The following ZBTB1 variants were observed in gnomAD, a reference collection of about 807,000 sequenced individuals.
ZBTB1 encodes zinc finger and BTB domain containing 1, also known as zinc finger and BTB domain-containing protein 1.
ZBTB1 carries 13 observed loss-of-function variants against 51.6 expected under a neutral mutation model. That is an observed-to-expected ratio of 0.25 (90% CI 0.16 to 0.40). The LOEUF (loss-of-function observed/expected upper bound fraction) is 0.40. Ranked by LOEUF, ZBTB1 falls within the 10% of genes least tolerant of loss-of-function variation. The pLI, the probability that ZBTB1 is intolerant of heterozygous loss-of-function variation, is 1.00. For missense variants in ZBTB1, 567 were observed against 856.5 expected (o/e 0.66, Z 4.22); for synonymous variants, 240 against 282.2 (o/e 0.85, Z 1.50).
chr14:64,520,349 CTG>C (rs1441126831), intron 1 of ZBTB1, among the ~76,000 whole-genome samples: 3 of 152,076 alleles, frequency 2.0e-5, no homozygotes, highest in Non-Finnish European at 2.9e-5. Context: ...GAGTCTCACT[CTG>C]TCACACAAGC....
chr14:64,521,214 A>G (rs996480710), intron 1 of ZBTB1, among the ~76,000 whole-genome samples: 3 of 152,174 alleles, frequency 2.0e-5, no homozygotes, highest in Non-Finnish European at 4.4e-5. Context: ...AATTTAGTGT[A>G]CATGTTCCCC....
At chr14:64,516,565 C>A (rs769212934) in intron 1 of ZBTB1, 1 of 152,348 alleles carries the variant, frequency 6.6e-6, no homozygotes, top group East Asian at 1.9e-4. Context: ...CACTGTGATC[C>A]GTCTGACTGA....
At chr14:64,531,387 A>ATG (rs1196370357) in intron 2 of ZBTB1, among the ~76,000 whole-genome samples, 25 of 152,108 alleles carry the variant, frequency 1.6e-4, no homozygotes, top group East Asian at 1.4e-3. Context: ...TTGTGCGTGT[A>ATG]TGTGTGTGTG....
chr14:64,510,448 A>C (rs2079712940), intron 1 of ZBTB1, among the ~76,000 whole-genome samples: 1 of 152,260 alleles, frequency 6.6e-6, no homozygotes, highest in African/African-American at 2.4e-5. Flanking sequence ...CAATGAGATC[A>C]AAACCTAAAA....
At chr14:64,512,095 CAT>C (rs1264739989) in intron 1 of ZBTB1, among the ~76,000 whole-genome samples, 1 of 152,122 alleles carries the variant, frequency 6.6e-6, no homozygotes, top group Non-Finnish European at 1.5e-5. Context: ...GTAATTATGA[CAT>C]TAATTTTTTT....
At chr14:64,527,156 T>TA (rs2079909375), downstream of ZBTB1, among the ~76,000 whole-genome samples, 34 of 147,098 alleles carry the variant, frequency 2.3e-4, no homozygotes, top group Admixed American at 8.7e-4. Flanking sequence ...GGCTAATAAT[T>TA]TAAAAAAAAA....
rs35952308 is a variant in ZBTB1, at chr14:64,523,982, G to GT, written c.*349dup. On this transcript the variant is annotated 3_prime_UTR_variant, in exon 2 of 2. Coordinates refer to ENST00000683701, the MANE Select transcript of ZBTB1 (RefSeq NM_001123329.2). This position sits in a 1 kb window ranked among gnomAD's most constrained non-coding sequence, Gnocchi z 4.5. ...GGTGATGACTTCACTATTTCTATGT[G>GT]TTTTTTTTTTTTTAAGGTTATCCTG... is the stretch of plus-strand genomic sequence containing the variant. 0.21 allele frequency: 131,665 copies of GT among 624,158 alleles called. 282 individuals carry two copies. The highest frequency in any genetic ancestry group is 0.23 in the Non-Finnish European group (113,454 of 499,334). The allele number at this position is 624,158 out of a possible 1,614,324, so 38.7% of individuals were successfully genotyped here. A position where few individuals can be genotyped will look rare whatever the true frequency, so the allele number is the denominator to read the frequency against.
rs1261896409 is a variant in ZBTB1, at chr14:64,504,820, C to G, written c.-145C>G. 2.6e-6 allele frequency: 1 copy of G among 390,106 alleles called. No homozygotes were observed. Among genetic ancestry groups the G allele is most frequent in the East Asian group, 3.7e-5 (1 of 26,686 alleles). 24.2% of individuals were successfully genotyped at this position (390,106 alleles called of 1,614,324 possible). On this transcript the variant is annotated 5_prime_UTR_variant, in exon 1 of 2. Coordinates refer to ENST00000683701, the MANE Select transcript of ZBTB1 (RefSeq NM_001123329.2). ...CAGAGCCTCTCCGCGCAGCCCAGCC[C>G]GAGCGCCGAGCGCCGCGCGCCGCCG...
downstream of ZBTB1, among the ~76,000 whole-genome samples, chr14:64,528,628 G>C (rs896776059): frequency 3.3e-5 from 5 of 152,096 alleles, no homozygotes; most frequent in Non-Finnish European, 7.4e-5. Flanking sequence ...GTTATATTTG[G>C]TGTTAAGAAC....
At chr14:64,515,711 A>G (rs928854651) in intron 1 of ZBTB1, among the ~76,000 whole-genome samples, 5 of 151,974 alleles carry the variant, frequency 3.3e-5, no homozygotes, top group Non-Finnish European at 7.4e-5. Flanking sequence ...TAGTAGAGAC[A>G]GGGTTTCACT....
intron 1 of ZBTB1, among the ~76,000 whole-genome samples, chr14:64,512,279 A>G (rs150997654): frequency 5.1e-4 from 77 of 152,362 alleles, no homozygotes; most frequent in African/African-American, 1.8e-3. Context: ...AACAAACAGT[A>G]TATGCTCTCT....
Position 64,522,542 on chromosome 14 carries a change from A to G in ZBTB1, c.1038A>G (p.Lys346=). ...TDELKDFNII[K]VTDKDCNEST... is the part of the protein sequence containing the mutation. Reference sequence around the variant, plus strand: ...AACTGAAAGACTTTAACATTATTAAAGTTACTGATAAAGACTGTAATGAAT... The same window carrying G: ...AACTGAAAGACTTTAACATTATTAAGGTTACTGATAAAGACTGTAATGAAT... Residue 346 remains lysine (K), a synonymous_variant, in exon 2 of 2, where the codon AAA becomes AAG. Coordinates refer to ENST00000683701, the MANE Select transcript of ZBTB1 (RefSeq NM_001123329.2). 6.2e-7 allele frequency: 1 copy of G among 1,614,008 alleles called. No individual in the cohort carries two copies. Among genetic ancestry groups the G allele is most frequent in the Non-Finnish European group, 8.5e-7 (1 of 1,179,968 alleles).
rs776153062 is a variant in ZBTB1 at position 64,523,241 on chromosome 14, T to C, written c.1737T>C (p.Phe579=). The change falls in exon 2 of 2, where the codon TTT becomes TTC. Residue 579 remains phenylalanine, a synonymous_variant. Coordinates refer to ENST00000683701, the MANE Select transcript of ZBTB1 (RefSeq NM_001123329.2). This position sits in a 1 kb window ranked among gnomAD's most constrained non-coding sequence, Gnocchi z 4.5. ...ENERDHRRKH[F]CNLCGKGFYQ... ...AAAGAGATCACAGACGAAAGCATTT[T>C]TGTAATCTGTGTGGAAAAGGATTTT... is the stretch of plus-strand genomic sequence containing the variant. The C allele has an allele frequency of 1.9e-6, 3 of 1,614,064 alleles. No individual in the cohort carries two copies. The highest frequency in any genetic ancestry group is 2.2e-5 in the East Asian group (1 of 44,896).
In ZBTB1 at chr14:64,512,097, T is replaced by C. The variant is rs539100230; in HGVS notation, c.-19+7151T>C. Among the ~76,000 whole-genome samples, 3 of 152,346 alleles carry C rather than the reference T, an allele frequency of 2.0e-5. No individual in the cohort carries two copies. The South Asian group carries it at 6.2e-4, about 32-fold the overall frequency. ...AATTCTATAAACTGTAATTATGACATTAATTTTTTTTAAATTGTACTGTGC... is the reference window on the plus strand; with the variant it reads ...AATTCTATAAACTGTAATTATGACACTAATTTTTTTTAAATTGTACTGTGC... On this transcript the variant is annotated intron_variant, in intron 1 of 1. Transcript: ENST00000683701.
chr14:64,521,938 A>G lies in ZBTB1; in HGVS notation c.434A>G (p.Tyr145Cys), dbSNP rs781025755. 3.7e-6 allele frequency: 6 copies of G among 1,614,240 alleles called. No individual in the cohort carries two copies. Among genetic ancestry groups the G allele is most frequent in the Non-Finnish European group, 5.1e-6 (6 of 1,180,048 alleles). ...AAAATGATATTTGGGGTAAGAATGT[A>G]TGAAGATACTGTGGCTCGAAATGGC... The part of the protein sequence containing the change: ...NSKMIFGVRM[Y>C]EDTVARNGNE... Residue 145 changes from tyrosine (Y) to cysteine (C), a missense_variant, in exon 2 of 2, where the codon TAT becomes TGT. Transcript: ENST00000683701.
chr14:64,523,134 G>A lies in ZBTB1; in HGVS notation c.1630G>A (p.Glu544Lys), dbSNP rs2079876795. The A allele has an allele frequency of 6.2e-7, 1 of 1,614,038 alleles. No individual in the cohort carries two copies. Among genetic ancestry groups the A allele is most frequent in the Non-Finnish European group, 8.5e-7 (1 of 1,180,044 alleles). Residue 544 changes from glutamate (E) to lysine (K), a missense_variant, in exon 2 of 2, where the codon GAA (glutamate) becomes AAA (lysine). Coordinates refer to ENST00000683701, the MANE Select transcript of ZBTB1 (RefSeq NM_001123329.2). This position sits in a 1 kb window ranked among gnomAD's most constrained non-coding sequence, Gnocchi z 4.5. ...FRCPNCGQRF[E>K]TENLVVEHMS... ...ATGTCCTAATTGTGGCCAGCGTTTT[G>A]AAACTGAAAATCTAGTGGTTGAACA... is the stretch of plus-strand genomic sequence containing the variant.
chr14:64,520,865 T>TG (rs1298414827), intron 1 of ZBTB1, among the ~76,000 whole-genome samples: 2 of 151,892 alleles, frequency 1.3e-5, no homozygotes, highest in Non-Finnish European at 2.9e-5. Context: ...TTGTTTTCTT[T>TG]TTTTTTTTTT....
intron 1 of ZBTB1, among the ~76,000 whole-genome samples, chr14:64,506,258 C>T (rs1220825457): frequency 1.3e-5 from 2 of 152,186 alleles, no homozygotes; most frequent in Non-Finnish European, 2.9e-5. Flanking sequence ...CTGGGCCGGG[C>T]GCAGTGGCTC....
intron 1 of ZBTB1, among the ~76,000 whole-genome samples, chr14:64,509,099 A>G (rs1054815718): frequency 6.6e-6 from 1 of 152,200 alleles, no homozygotes; most frequent in Non-Finnish European, 1.5e-5. Context: ...GCCAGGCACA[A>G]TGTCTCTCAC....
Sources: gnomAD v4.1 joint callset for allele counts (sites outside exome capture counted in the v4.1 genomes callset) on GRCh38, gnomAD v4.1.1 for gene constraint, Gnocchi (gnomAD v3.1) non-coding constraint, MANE v1.5 for transcripts, NCBI Gene and HGNC (gene_info 2026-07-23, HGNC 2026-07-21) for gene names.